Variants in PVT1 observed in about 807,000 individuals in gnomAD.
PVT1 encodes Pvt1 oncogene.
intron 3 of PVT1, among the ~76,000 whole-genome samples, chr8:127,908,847 C>A (rs1328131158): frequency 6.6e-6 from 1 of 152,138 alleles, no homozygotes; most frequent in Non-Finnish European, 1.5e-5. Context: ...GTGAGGCAGC[C>A]ATCATCACCA....
intron 2 of PVT1, among the ~76,000 whole-genome samples, chr8:127,812,049 C>T (rs1814600364): frequency 6.6e-6 from 1 of 150,738 alleles, no homozygotes; most frequent in Non-Finnish European, 1.5e-5. Flanking sequence ...CTCTAGGCTG[C>T]AGTAAGCTGT....
At chr8:127,980,806 T>A (rs1432905772) in intron 3 of PVT1, among the ~76,000 whole-genome samples, 2 of 150,354 alleles carry the variant, frequency 1.3e-5, no homozygotes, top group East Asian at 3.9e-4. Flanking sequence ...TTTTTTTTTT[T>A]TTTTTGTTTG....
At chr8:127,932,779 T>A in intron 3 of PVT1, 2 of 314,248 alleles carry the variant, frequency 6.4e-6, no homozygotes, top group Non-Finnish European at 1.2e-5. Flanking sequence ...GATATACACA[T>A]CTCTGACTGT....
chr8:127,888,282 C>T (rs138342588), intron 2 of PVT1, among the ~76,000 whole-genome samples: 93 of 152,242 alleles, frequency 6.1e-4, no homozygotes, highest in African/African-American at 2.0e-3. Context: ...CTGTTTCCTT[C>T]GTGATTTCTT....
At chr8:128,095,899 G>A (rs1388268787) in intron 5 of PVT1, among the ~76,000 whole-genome samples, 1 of 152,222 alleles carries the variant, frequency 6.6e-6, no homozygotes, top group Non-Finnish European at 1.5e-5. Flanking sequence ...CTTTCGGCAT[G>A]GTCAGAGCTG....
At chr8:128,041,543 C>T (rs1813543870) in intron 4 of PVT1, among the ~76,000 whole-genome samples, 1 of 126,818 alleles carries the variant, frequency 7.9e-6, no homozygotes, top group Non-Finnish European at 1.7e-5. Context: ...CGTGTGTGTG[C>T]TTGGTGAATG....
At chr8:127,960,503 T>G in intron 3 of PVT1, 1 of 295,526 alleles carries the variant, frequency 3.4e-6, no homozygotes, top group Non-Finnish European at 7.2e-6. Flanking sequence ...TTCCTTGAGG[T>G]GGGTTCTGCA....
At chr8:128,025,526 C>T (rs1225852025) in intron 4 of PVT1, among the ~76,000 whole-genome samples, 1 of 152,208 alleles carries the variant, frequency 6.6e-6, no homozygotes, top group Admixed American at 6.5e-5. Flanking sequence ...TCTCCAAATG[C>T]CCAGTCTTGC....
intron 3 of PVT1, among the ~76,000 whole-genome samples, chr8:127,987,777 G>T (rs781134522): frequency 6.6e-6 from 1 of 152,154 alleles, no homozygotes; most frequent in Non-Finnish European, 1.5e-5. Context: ...GCCCTTTTTG[G>T]GTAACGAAGC....
At chr8:128,032,277 G>A (rs1813400519) in intron 4 of PVT1, among the ~76,000 whole-genome samples, 1 of 152,200 alleles carries the variant, frequency 6.6e-6, no homozygotes, top group South Asian at 2.1e-4. Flanking sequence ...GACTGTGTGA[G>A]TGGGCCCAGG....
intron 2 of PVT1, among the ~76,000 whole-genome samples, chr8:127,811,040 C>T (rs1010478271): frequency 1.3e-5 from 2 of 152,102 alleles, no homozygotes; most frequent in African/African-American, 2.4e-5. Flanking sequence ...CCACACCAGG[C>T]GGGCCTGATC....
At chr8:128,093,521 C>T (rs1216527809) in intron 5 of PVT1, among the ~76,000 whole-genome samples, 2 of 151,862 alleles carry the variant, frequency 1.3e-5, no homozygotes, top group Non-Finnish European at 2.9e-5. Flanking sequence ...CGCGCCATTG[C>T]CCTCCAGCCT....
chr8:127,795,771 C>G (rs1260502627), intron 1 of PVT1: 1 of 155,646 alleles, frequency 6.4e-6, no homozygotes, highest in African/African-American at 2.4e-5. Flanking sequence ...ATACTGGCAG[C>G]GACAAGTTGA....
intron 2 of PVT1, among the ~76,000 whole-genome samples, chr8:127,850,850 C>G (rs1300649796): frequency 6.6e-6 from 1 of 152,024 alleles, no homozygotes; most frequent in East Asian, 1.9e-4. Flanking sequence ...AAAACCCCGC[C>G]TCTACTAAAA....
intron 3 of PVT1, among the ~76,000 whole-genome samples, chr8:127,899,584 T>C (rs1006237375): frequency 6.6e-6 from 1 of 152,190 alleles, no homozygotes; most frequent in Admixed American, 6.5e-5. Context: ...ATGACACCAC[T>C]CTGTGGGATT....
intron 3 of PVT1, among the ~76,000 whole-genome samples, chr8:127,965,294 A>G (rs1816691198): frequency 6.6e-6 from 1 of 152,242 alleles, no homozygotes; most frequent in African/African-American, 2.4e-5. Context: ...AAGTTCACCA[A>G]TGAAAAAATG....
At chr8:128,035,440 G>C (rs545254566) in intron 4 of PVT1, among the ~76,000 whole-genome samples, 44 of 152,130 alleles carry the variant, frequency 2.9e-4, no homozygotes, top group Admixed American at 2.2e-3. Flanking sequence ...CACTTTGTGG[G>C]GGGCCAAGGG....
intron 4 of PVT1, among the ~76,000 whole-genome samples, chr8:128,006,141 A>ATAC (rs1817244882): frequency 2.2e-5 from 3 of 136,640 alleles, no homozygotes; most frequent in African/African-American, 3.1e-5. Context: ...AATAATAATA[A>ATAC]TAATAATAAA....
intron 4 of PVT1, among the ~76,000 whole-genome samples, chr8:128,051,589 T>A (rs926675041): frequency 6.6e-6 from 1 of 152,214 alleles, no homozygotes; most frequent in African/African-American, 2.4e-5. Context: ...GTATTTCAGT[T>A]CACTTGATGG....
Sources: gnomAD v4.1 joint callset for allele counts (sites outside exome capture counted in the v4.1 genomes callset) on GRCh38, gnomAD v4.1.1 for gene constraint, MANE v1.5 for transcripts, NCBI Gene and HGNC (gene_info 2026-07-23, HGNC 2026-07-21) for gene names.